Variants in TMPRSS11F observed in about 807,000 individuals in gnomAD.
TMPRSS11F encodes transmembrane protease serine 11F.
TMPRSS11F carries 47 observed loss-of-function variants against 60.2 expected under a neutral mutation model. The observed-to-expected ratio is 0.78, with a 90% CI of 0.62 to 1.00. The LOEUF is 1.00. TMPRSS11F is among the 50% of genes least tolerant of loss of function. The pLI, the probability that TMPRSS11F is intolerant of heterozygous loss-of-function variation, is 0.00. For missense variants in TMPRSS11F, 519 were observed against 522.9 expected, an observed-to-expected ratio of 0.99 and a Z score of 0.07; for synonymous variants, 166 against 167.3, an observed-to-expected ratio of 0.99 and a Z score of 0.06.
chr4:68,087,155 G>A (rs138923620), intron 3 of TMPRSS11F, among the ~76,000 whole-genome samples: 14 of 152,162 alleles, frequency 9.2e-5, no homozygotes, highest in African/African-American at 2.4e-4. Flanking sequence ...CTAGCTGCAC[G>A]AAAAGTTAAT....
At chr4:68,055,068 A>G (rs1723015801) in intron 9 of TMPRSS11F, among the ~76,000 whole-genome samples, 2 of 152,164 alleles carry the variant, frequency 1.3e-5, no homozygotes, top group African/African-American at 4.8e-5. Context: ...GGCAGAGGGA[A>G]CAGTATTGCA....
chr4:68,106,721 C>T (rs1472475577), intron 1 of TMPRSS11F, among the ~76,000 whole-genome samples: 1 of 152,138 alleles, frequency 6.6e-6, no homozygotes, highest in Non-Finnish European at 1.5e-5. Flanking sequence ...GCAGAAATTG[C>T]ATAGCATCCT....
intron 3 of TMPRSS11F, chr4:68,081,077 C>G (rs1379204472): frequency 6.6e-6 from 1 of 152,064 alleles, no homozygotes; most frequent in Non-Finnish European, 1.5e-5. Context: ...TTTAAGATGT[C>G]CTTTTAAAAC....
rs982889034 is a variant in TMPRSS11F, at chr4:68,063,573, G to A, written c.1015+1112C>T. Among the ~76,000 whole-genome samples the A allele has an allele frequency of 3.9e-5, 6 of 152,132 alleles. No individual in the cohort carries two copies. In the South Asian group the frequency reaches 8.3e-4, roughly 21 times the overall value. ...TTTTTGTATTTTTAGTAGAGACGGAGTTTCACCATATTGGCCAGGGTGGTC... is the reference window on the plus strand; with the variant it reads ...TTTTTGTATTTTTAGTAGAGACGGAATTTCACCATATTGGCCAGGGTGGTC... On this transcript the variant is annotated intron_variant, in intron 8 of 9. Transcript: ENST00000356291.
intron 1 of TMPRSS11F, among the ~76,000 whole-genome samples, chr4:68,100,753 T>TA (rs1486661860): frequency 6.6e-6 from 1 of 152,206 alleles, no homozygotes; most frequent in Non-Finnish European, 1.5e-5. Context: ...CTCTTTGACT[T>TA]ATTTTATTTT....
In TMPRSS11F at chr4:68,098,971, A is replaced by G; in HGVS notation, c.79T>C (p.Ser27Pro). 6.2e-7 allele frequency: 1 copy of G among 1,613,400 alleles called. No individual in the cohort carries two copies. Among genetic ancestry groups the G allele is most frequent in the Non-Finnish European group, 8.5e-7 (1 of 1,179,610 alleles). ...EYQRKQQFWD[S>P]VRLALFTLAI... ...AATGTGAAAAGAGCTAGCCGTACTG[A>G]GTCCCAAAATTGCTGCTTTCTTTGA... The change falls in exon 2 of 10, where the codon TCA becomes CCA. Residue 27 changes from serine to proline, a missense_variant. Transcript: ENST00000356291.
At chr4:68,070,879 C>G (rs77876540) in intron 5 of TMPRSS11F, among the ~76,000 whole-genome samples, 1 of 152,056 alleles carries the variant, frequency 6.6e-6, no homozygotes, top group Non-Finnish European at 1.5e-5. Context: ...GTCTATTTAA[C>G]AAAATACATG....
Position 68,057,664 on chromosome 4 carries a change from C to A in TMPRSS11F, c.1158+1662G>T, listed in dbSNP as rs112276184. On this transcript the variant is annotated intron_variant, in intron 9 of 9. Coordinates refer to ENST00000356291, the MANE Select transcript of TMPRSS11F (RefSeq NM_207407.2). ...AAGAAGTTAACACAATAGCAAAAAA[C>A]AAAACAAACAAAACCTGATTTTAAA... Among the ~76,000 whole-genome samples the A allele has an allele frequency of 3.4e-3, 511 of 151,962 alleles. 6 individuals are homozygous for A. Among genetic ancestry groups the A allele is most frequent in the African/African-American group, 0.012 (496 of 41,466 alleles).
At chr4:68,082,700 A>G (rs1401471505) in intron 3 of TMPRSS11F, among the ~76,000 whole-genome samples, 2 of 152,230 alleles carry the variant, frequency 1.3e-5, no homozygotes, top group Non-Finnish European at 2.9e-5. Context: ...GTTGGGTTAG[A>G]GCACATAGTT....
At chr4:68,083,164 A>G (rs1258767040) in intron 3 of TMPRSS11F, among the ~76,000 whole-genome samples, 1 of 152,184 alleles carries the variant, frequency 6.6e-6, no homozygotes, top group Non-Finnish European at 1.5e-5. Context: ...ACCTTCAGAT[A>G]TACCCCACAA....
At chr4:68,074,117 T>C (rs1723537351) in intron 3 of TMPRSS11F, 108 bp from the exon 4 acceptor site, 8 of 630,334 alleles carry the variant, frequency 1.3e-5, no homozygotes, top group Non-Finnish European at 2.0e-5. Flanking sequence ...CCTTGTCTTA[T>C]CTAGAGACTT....
chr4:68,091,753 C>A (rs1461542246), intron 2 of TMPRSS11F, among the ~76,000 whole-genome samples: 28 of 101,038 alleles, frequency 2.8e-4, no homozygotes, highest in African/African-American at 5.8e-4. Context: ...TCTAATCTCT[C>A]TCTCTCTCTC....
chr4:68,100,120 C>T (rs1017617877), intron 1 of TMPRSS11F, among the ~76,000 whole-genome samples: 2 of 150,560 alleles, frequency 1.3e-5, no homozygotes, highest in African/African-American at 4.9e-5. Context: ...GGATTCATTA[C>T]TAATAGGGGG....
intron 3 of TMPRSS11F, among the ~76,000 whole-genome samples, chr4:68,088,704 C>T (rs1723865382): frequency 6.6e-6 from 1 of 152,126 alleles, no homozygotes; most frequent in Non-Finnish European, 1.5e-5. Context: ...TCTCAGCCCA[C>T]AGTGCAATCA....
chr4:68,104,410 A>C lies in TMPRSS11F; in HGVS notation c.12-5372T>G, dbSNP rs75058258. Among the ~76,000 whole-genome samples, 1,378 of 152,218 alleles carry C rather than the reference A, an allele frequency of 9.1e-3. 26 individuals carry two copies. The highest frequency in any genetic ancestry group is 0.032 in the African/African-American group (1,309 of 41,540). ...GGAGGGACCTGGTGGGAGGTAACTG[A>C]ATCATGGGGGTGGTTACCTCCATGC... On this transcript the variant is annotated intron_variant, in intron 1 of 9. Coordinates refer to ENST00000356291, the MANE Select transcript of TMPRSS11F (RefSeq NM_207407.2).
At chr4:68,110,293 T>C (rs1247095750) in intron 1 of TMPRSS11F, among the ~76,000 whole-genome samples, 2 of 152,276 alleles carry the variant, frequency 1.3e-5, no homozygotes, top group Middle Eastern at 3.4e-3. Flanking sequence ...ACAAATACAA[T>C]ATTCATTTTA....
intron 3 of TMPRSS11F, chr4:68,080,975 A>G (rs1723686609): frequency 6.6e-6 from 1 of 152,248 alleles, no homozygotes; most frequent in Non-Finnish European, 1.5e-5. Context: ...AGTGTTTTTA[A>G]ATGTAATATT....
At chr4:68,096,606 A>G (rs551420963) in intron 2 of TMPRSS11F, among the ~76,000 whole-genome samples, 3 of 152,312 alleles carry the variant, frequency 2.0e-5, no homozygotes, top group Admixed American at 6.5e-5. Context: ...TAAATCAACC[A>G]TATTCAAAAG....
rs143008208 is a variant in TMPRSS11F, at chr4:68,091,151, C to T, written c.164-510G>A. Among the ~76,000 whole-genome samples, 641 of 152,218 alleles carry T rather than the reference C, an allele frequency of 4.2e-3. 4 individuals carry two copies. The highest frequency in any genetic ancestry group is 0.015 in the African/African-American group (609 of 41,540). ...TCTCTGCAATCTGTTCCTAACACAC[C>T]ACTAAAGCTGTCTTTTTCAAGGACA... On this transcript the variant is annotated intron_variant, in intron 2 of 9. Transcript: ENST00000356291.
Sources: allele counts gnomAD v4.1 joint callset (sites outside exome capture counted in the v4.1 genomes callset), GRCh38; gene constraint gnomAD v4.1.1; transcripts MANE v1.5; gene names NCBI Gene and HGNC (gene_info 2026-07-23, HGNC 2026-07-21).